The following RAB8A variants were observed in gnomAD, a reference collection of about 807,000 sequenced individuals.
RAB8A encodes the protein RAB8A, member RAS oncogene family, also known as ras-related protein Rab-8A.
RAB8A carries 5 observed loss-of-function variants against 29.2 expected under a neutral mutation model. The ratio of observed to expected loss-of-function variants is 0.17; its 90% confidence interval spans 0.09 to 0.36. RAB8A has a LOEUF of 0.36. Ranked by LOEUF, RAB8A falls within the 10% of genes least tolerant of loss-of-function variation. The pLI is 1.00. For missense variants in RAB8A, 171 were observed against 272.2 expected, an observed-to-expected ratio of 0.63 and a Z score of 2.62; for synonymous variants, 108 against 99.9, an observed-to-expected ratio of 1.08 and a Z score of -0.49.
At chr19:16,114,663 C>T (rs920708905) in intron 1 of RAB8A, among the ~76,000 whole-genome samples, 4 of 149,906 alleles carry the variant, frequency 2.7e-5, no homozygotes, top group South Asian at 2.1e-4. Flanking sequence ...GCTGGGATTA[C>T]AAGCATGAGC....
intron 2 of RAB8A, among the ~76,000 whole-genome samples, chr19:16,119,262 A>G (rs980871069): frequency 6.6e-6 from 1 of 151,680 alleles, no homozygotes; most frequent in Non-Finnish European, 1.5e-5. Context: ...CTGGAGTGCA[A>G]TGGCGCGATC....
rs147527311 is a variant in RAB8A at position 16,115,607 on chromosome 19, G to T, written c.125-2619G>T. On this transcript the variant is annotated intron_variant, in intron 1 of 7. Transcript: ENST00000300935. Reference sequence around the variant, plus strand: ...CTCAACACCGCGTAGACCCTGTTGCGCTTTAATACTTTGATCCAGCCATAT... The same window carrying T: ...CTCAACACCGCGTAGACCCTGTTGCTCTTTAATACTTTGATCCAGCCATAT... Among the ~76,000 whole-genome samples the T allele has an allele frequency of 5.5e-3, 841 of 152,276 alleles. 7 individuals are homozygous for T. The highest frequency in any genetic ancestry group is 8.6e-3 in the Non-Finnish European group (585 of 68,020).
In RAB8A at chr19:16,127,634, C is replaced by A. The variant is rs1277455359; in HGVS notation, c.414+108C>A. The A allele has an allele frequency of 1.1e-6, 1 of 900,024 alleles. No individual in the cohort carries two copies. Among genetic ancestry groups the A allele is most frequent in the South Asian group, 1.9e-5 (1 of 51,458 alleles). The allele number at this position is 900,024 out of a possible 1,614,324, so 55.8% of individuals were successfully genotyped here. A position where few individuals can be genotyped will look rare whatever the true frequency, so the allele number is the denominator to read the frequency against. On this transcript the variant is annotated intron_variant, in intron 5 of 7. Transcript: ENST00000300935. This position sits in a 1 kb window ranked among gnomAD's most constrained non-coding sequence, Gnocchi z 4.8. ...CCAGGGGCCTGAGACGAGTTGGTCA[C>A]CCCAGTGGGGCACGTGCCATGGGAT...
At position 16,125,010 on chromosome 19, in the gene RAB8A, CAGTTGT is replaced by C; in HGVS notation, c.247-459_247-454del. 3 of 190,694 alleles carry C rather than the reference CAGTTGT, an allele frequency of 1.6e-5. No homozygotes were observed. The highest frequency in any genetic ancestry group is 3.3e-5 in the Non-Finnish European group (3 of 90,062). 11.8% of individuals were successfully genotyped at this position (190,694 alleles called of 1,614,324 possible). A position where few individuals can be genotyped will look rare whatever the true frequency, so the allele number is the denominator to read the frequency against. ...ATGTCGGGTCAGGACTTCCTGGGCT[CAGTTGT>C]GCCTGGTAGGTGGCTCAGGCAGAGC... On this transcript the variant is annotated intron_variant, in intron 3 of 7. Coordinates refer to ENST00000300935, the MANE Select transcript of RAB8A (RefSeq NM_005370.5). The surrounding 1 kb of genome is among the most constrained non-coding windows in gnomAD (Gnocchi z 5.0).
At chr19:16,113,786 T>G (rs1308415799) in intron 1 of RAB8A, among the ~76,000 whole-genome samples, 1 of 152,174 alleles carries the variant, frequency 6.6e-6, no homozygotes, top group African/African-American at 2.4e-5. Context: ...CCAGTTGCTG[T>G]TTGCCCTTGA....
intron 2 of RAB8A, among the ~76,000 whole-genome samples, chr19:16,120,092 C>T (rs529475158): frequency 6.6e-6 from 1 of 151,764 alleles, no homozygotes; most frequent in South Asian, 2.1e-4. Context: ...GAATTACAGG[C>T]GTGAGCCACC....
intron 2 of RAB8A, 95 bp downstream of exon 2, chr19:16,118,381 G>A: frequency 1.7e-6 from 2 of 1,196,732 alleles, no homozygotes; most frequent in Non-Finnish European, 2.4e-6. Flanking sequence ...TGTGACCTTG[G>A]CCTCCATTTC....
At chr19:16,120,668 C>T (rs1201790985) in intron 2 of RAB8A, among the ~76,000 whole-genome samples, 2 of 147,720 alleles carry the variant, frequency 1.4e-5, no homozygotes, top group East Asian at 2.0e-4. Context: ...TGGAATATAG[C>T]GGCACGATCT....
chr19:16,125,153 C>A lies in RAB8A; in HGVS notation c.247-317C>A. ...GGCTCCCACCGTCAGGCTGCACCACCCCGTGGGCCATGAGGGGAGCCAGCC... is the reference window on the plus strand; with the variant it reads ...GGCTCCCACCGTCAGGCTGCACCACACCGTGGGCCATGAGGGGAGCCAGCC... On this transcript the variant is annotated intron_variant, in intron 3 of 7. Coordinates refer to ENST00000300935, the MANE Select transcript of RAB8A (RefSeq NM_005370.5). The surrounding 1 kb of genome is among the most constrained non-coding windows in gnomAD (Gnocchi z 5.0). 2.2e-6 allele frequency: 1 copy of A among 461,876 alleles called. No individual in the cohort carries two copies. The highest frequency in any genetic ancestry group is 2.3e-5 in the South Asian group (1 of 43,948). 28.6% of individuals were successfully genotyped at this position (461,876 alleles called of 1,614,324 possible).
In RAB8A at chr19:16,125,621, A is replaced by C. The variant is rs750633622; in HGVS notation, c.324+74A>C. 2.8e-6 allele frequency: 4 copies of C among 1,410,134 alleles called. No homozygotes were observed. Among genetic ancestry groups the C allele is most frequent in the Admixed American group, 1.8e-5 (1 of 54,140 alleles). The allele number at this position is 1,410,134 out of a possible 1,614,324, so 87.4% of individuals were successfully genotyped here. A position where few individuals can be genotyped will look rare whatever the true frequency, so the allele number is the denominator to read the frequency against. ...AGAGCCCTCTGGTTTACTCATGAGA[A>C]GGCCAAGGTGCAGAGACACATACAG... On this transcript the variant is annotated intron_variant, in intron 4 of 7. Coordinates refer to ENST00000300935, the MANE Select transcript of RAB8A (RefSeq NM_005370.5). This position sits in a 1 kb window ranked among gnomAD's most constrained non-coding sequence, Gnocchi z 5.0.
intron 6 of RAB8A, among the ~76,000 whole-genome samples, chr19:16,128,657 G>A (rs1408733011): frequency 2.6e-5 from 4 of 152,172 alleles, no homozygotes; most frequent in South Asian, 2.1e-4. Flanking sequence ...CTTGCCTGGC[G>A]TGGAAGGCCC....
intron 1 of RAB8A, among the ~76,000 whole-genome samples, chr19:16,114,714 A>T (rs1355384771): frequency 6.6e-6 from 1 of 151,718 alleles, no homozygotes; most frequent in Non-Finnish European, 1.5e-5. Context: ...AGTTACTTTG[A>T]GCTTTAAAGA....
chr19:16,124,239 A>G (rs549227786), intron 3 of RAB8A: 1 of 152,124 alleles, frequency 6.6e-6, no homozygotes, highest in South Asian at 2.1e-4. Flanking sequence ...CTGTGAGGCC[A>G]TTATTCATGT....
Position 16,125,434 on chromosome 19 carries a change from G to C in RAB8A, c.247-36G>C, listed in dbSNP as rs757421481. 1 of 1,586,110 alleles carries C rather than the reference G, an allele frequency of 6.3e-7. No homozygotes were observed. Among genetic ancestry groups the C allele is most frequent in the South Asian group, 1.1e-5 (1 of 90,020 alleles). On this transcript the variant is annotated intron_variant, in intron 3 of 7. Transcript: ENST00000300935. The surrounding 1 kb of genome is among the most constrained non-coding windows in gnomAD (Gnocchi z 5.0). ...TGAGGCCTCCCTTCCAGAGCCTGCA[G>C]CCGATCAGGCACCTGTGTCTTCTCT... is the stretch of plus-strand genomic sequence containing the variant.
chr19:16,116,981 A>G (rs2090848631), intron 1 of RAB8A, among the ~76,000 whole-genome samples: 1 of 151,544 alleles, frequency 6.6e-6, no homozygotes, highest in South Asian at 2.1e-4. Flanking sequence ...TTCTGTTTCT[A>G]TGAATGAGCC....
rs891605695 is a variant in RAB8A, at chr19:16,134,030, C to G, written c.*1726C>G. On this transcript the variant is annotated 3_prime_UTR_variant, in exon 8 of 8. Transcript: ENST00000300935. Reference sequence around the variant, plus strand: ...GCATTCCTTCCACTCTATCCAGGGTCCTTCCCAAGACCACACCCAGGTCCA... The same window carrying G: ...GCATTCCTTCCACTCTATCCAGGGTGCTTCCCAAGACCACACCCAGGTCCA... 8 of 152,366 alleles carry G rather than the reference C, an allele frequency of 5.3e-5. No individual in the cohort carries two copies. Among genetic ancestry groups the G allele is most frequent in the Non-Finnish European group, 1.0e-4 (7 of 68,176 alleles). The allele number at this position is 152,366 out of a possible 1,614,324, so 9.4% of individuals were successfully genotyped here. A position where few individuals can be genotyped will look rare whatever the true frequency, so the allele number is the denominator to read the frequency against.
Position 16,125,596 on chromosome 19 carries a change from A to G in RAB8A, c.324+49A>G. On this transcript the variant is annotated intron_variant, in intron 4 of 7. Coordinates refer to ENST00000300935, the MANE Select transcript of RAB8A (RefSeq NM_005370.5). The surrounding 1 kb of genome is among the most constrained non-coding windows in gnomAD (Gnocchi z 5.0). ...CTGTCCCTGCTTCAGTCCTTGTCCCAGAGCCCTCTGGTTTACTCATGAGAA... is the reference window on the plus strand; with the variant it reads ...CTGTCCCTGCTTCAGTCCTTGTCCCGGAGCCCTCTGGTTTACTCATGAGAA... 9 of 1,551,622 alleles carry G rather than the reference A, an allele frequency of 5.8e-6. No homozygotes were observed. The highest frequency in any genetic ancestry group is 8.0e-6 in the Non-Finnish European group (9 of 1,128,848).
Position 16,111,992 on chromosome 19 carries a change from G to A in RAB8A, c.91G>A (p.Asp31Asn). The A allele has an allele frequency of 6.2e-7, 1 of 1,614,032 alleles. No individual in the cohort carries two copies. The highest frequency in any genetic ancestry group is 8.5e-7 in the Non-Finnish European group (1 of 1,179,886). The change falls in exon 1 of 8, where the codon GAC (aspartate) becomes AAC (asparagine). Residue 31 changes from aspartate (D) to asparagine (N), a missense_variant. Asp to Asn is a conservative substitution (Grantham distance 23). Coordinates refer to ENST00000300935, the MANE Select transcript of RAB8A (RefSeq NM_005370.5). ...CTGTGTCCTGTTCCGCTTCTCCGAG[G>A]ACGCCTTCAACTCCACTTTTATCTC... ...KTCVLFRFSE[D>N]AFNSTFISTI...
Position 16,111,938 on chromosome 19 carries a change from C to T in RAB8A, c.37C>T (p.Leu13=). 1 of 1,614,052 alleles carries T rather than the reference C, an allele frequency of 6.2e-7. No homozygotes were observed. Among genetic ancestry groups the T allele is most frequent in the Non-Finnish European group, 8.5e-7 (1 of 1,179,900 alleles). ...CTACGATTACCTGTTCAAGCTGCTG[C>T]TGATCGGGGACTCGGGGGTGGGGAA... The part of the protein sequence containing the change: ...KTYDYLFKLL[L]IGDSGVGKTC... Residue 13 remains leucine (L), a synonymous_variant, in exon 1 of 8, where the codon CTG becomes TTG. Coordinates refer to ENST00000300935, the MANE Select transcript of RAB8A (RefSeq NM_005370.5).
Sources: gnomAD v4.1 joint callset for allele counts (sites outside exome capture counted in the v4.1 genomes callset) on GRCh38, gnomAD v4.1.1 for gene constraint, Gnocchi (gnomAD v3.1) non-coding constraint, MANE v1.5 for transcripts, NCBI Gene and HGNC (gene_info 2026-07-23, HGNC 2026-07-21) for gene names.